CCL25: variants seen among roughly 807,000 people sequenced by gnomAD.
CCL25 encodes C-C motif chemokine ligand 25, also known as C-C motif chemokine 25.
A neutral mutation model predicts 19.9 loss-of-function variants in CCL25; 14 were observed. The observed-to-expected ratio is 0.70, with a 90% CI of 0.47 to 1.10. The LOEUF is 1.10. Among genes scored for constraint, CCL25 ranks in the 50% least tolerant of loss-of-function variants. The pLI is 0.00. For synonymous variants in CCL25, 68 were observed against 73.2 expected, an observed-to-expected ratio of 0.93 and a Z score of 0.36; for missense variants, 151 against 181.2, an observed-to-expected ratio of 0.83 and a Z score of 0.96.
intron 4 of CCL25, 69 bp from the exon 5 acceptor site, chr19:8,057,732 C>G: frequency 1.3e-6 from 2 of 1,521,714 alleles, no homozygotes; most frequent in East Asian, 2.5e-5. Flanking sequence ...CAGCTTCAGG[C>G]TCAGCTGGAT....
In CCL25 at chr19:8,053,084, G is replaced by C; in HGVS notation, c.35G>C (p.Gly12Ala). The C allele has an allele frequency of 6.4e-7, 1 of 1,556,170 alleles. No homozygotes were observed. The highest frequency in any genetic ancestry group is 2.4e-5 in the East Asian group (1 of 41,470). The change falls in exon 2 of 6, where the codon GGC (glycine) becomes GCC (alanine). Residue 12 changes from glycine to alanine, a missense_variant. By Grantham distance (60) the Gly-to-Ala change is moderately conservative. Transcript: ENST00000315626. The part of the protein sequence containing the change: ...NLWLLACLVA[G>A]FLGAWAPAVH... ...TGGCTCCTGGCCTGCCTGGTGGCCG[G>C]CTTCCTGGGAGCCTGGGCCCCCGCT...
chr19:8,060,088 CTAAA>C (rs1188652552), intron 5 of CCL25, among the ~76,000 whole-genome samples: 1 of 150,232 alleles, frequency 6.7e-6, no homozygotes, highest in Non-Finnish European at 1.5e-5. Flanking sequence ...GACTCTGTCT[CTAAA>C]TAAATAAATA....
At chr19:8,058,373 AAT>A (rs1442041777) in intron 5 of CCL25, among the ~76,000 whole-genome samples, 19 of 124,958 alleles carry the variant, frequency 1.5e-4, no homozygotes, top group Admixed American at 5.2e-4. Flanking sequence ...ATAATATATA[AAT>A]ATATATAATA....
chr19:8,059,071 ATAT>A (rs1411660754), intron 5 of CCL25, among the ~76,000 whole-genome samples: 2 of 34,592 alleles, frequency 5.8e-5, no homozygotes, highest in East Asian at 2.0e-3. Flanking sequence ...TATATATAAT[ATAT>A]AATATATATA....
intron 5 of CCL25, among the ~76,000 whole-genome samples, chr19:8,060,331 G>C (rs2145298720): frequency 6.6e-6 from 1 of 152,084 alleles, no homozygotes; most frequent in Middle Eastern, 3.4e-3. Context: ...GACAAAATGA[G>C]ACCCTGTCTC....
At chr19:8,061,132 G>T (rs112779148) in intron 5 of CCL25, among the ~76,000 whole-genome samples, 15,246 of 151,648 alleles carry the variant, frequency 0.1, 922 homozygotes, top group African/African-American at 0.17. Context: ...GGGATCATAG[G>T]CATGCACCAC....
At chr19:8,055,553 C>T (rs903011754) in intron 2 of CCL25, among the ~76,000 whole-genome samples, 4 of 151,916 alleles carry the variant, frequency 2.6e-5, no homozygotes, top group Non-Finnish European at 5.9e-5. Flanking sequence ...CCAGGATGGT[C>T]TCAATCTCCT....
intron 2 of CCL25, among the ~76,000 whole-genome samples, chr19:8,054,305 C>A (rs2081253310): frequency 6.6e-6 from 1 of 152,230 alleles, no homozygotes; most frequent in South Asian, 2.1e-4. Flanking sequence ...GATTGTTTTG[C>A]TATCAGAGCC....
At position 8,052,992 on chromosome 19, in the gene CCL25, G is replaced by C; in HGVS notation, c.-50-8G>C. The stretch of plus-strand genomic sequence containing the variant: ...CTCAGTCCTTACCACTTCCCTCCAC[G>C]ACCCCAGGTGGCCCCGTTATTCGTC... On this transcript the variant is annotated splice_region_variant and splice_polypyrimidine_tract_variant and intron_variant, in intron 1 of 5. Coordinates refer to ENST00000315626, the MANE Select transcript of CCL25 (RefSeq NM_005624.4). 7.9e-7 allele frequency: 1 copy of C among 1,273,636 alleles called. No individual in the cohort carries two copies. The highest frequency in any genetic ancestry group is 1.1e-6 in the Non-Finnish European group (1 of 905,716). 78.9% of individuals were successfully genotyped at this position (1,273,636 alleles called of 1,614,324 possible).
rs778462966 is a variant in CCL25, at chr19:8,056,441, C to T, written c.267C>T (p.Leu89=). The change falls in exon 4 of 6, where the codon CTC becomes CTT. Residue 89 remains leucine, a synonymous_variant. Coordinates refer to ENST00000315626, the MANE Select transcript of CCL25 (RefSeq NM_005624.4). ...KSREVQRAMK[L]LDARNKVFAK... ...GGGAGGTGCAGAGAGCCATGAAGCTCCTGGATGCTCGAAATAAGGTTTTTG... is the reference window on the plus strand; with the variant it reads ...GGGAGGTGCAGAGAGCCATGAAGCTTCTGGATGCTCGAAATAAGGTTTTTG... 6.2e-7 allele frequency: 1 copy of T among 1,614,134 alleles called. No homozygotes were observed. Among genetic ancestry groups the T allele is most frequent in the Admixed American group, 1.7e-5 (1 of 60,010 alleles).
intron 5 of CCL25, among the ~76,000 whole-genome samples, chr19:8,058,185 C>G (rs10416347): frequency 0.4 from 60,135 of 149,986 alleles, 12,608 homozygotes; most frequent in East Asian, 0.71. Context: ...GCCAGCAATT[C>G]TCCAGCAGGG....
upstream of CCL25, among the ~76,000 whole-genome samples, chr19:8,052,475 T>C (rs1420911517): frequency 6.6e-6 from 1 of 151,604 alleles, no homozygotes; most frequent in South Asian, 2.1e-4. Context: ...CTCAAGGCAG[T>C]CTGAGCCTTG....
rs202213208 is a variant in CCL25, at chr19:8,056,153, T to C, written c.75T>C (p.Gly25=). The C allele has an allele frequency of 7.1e-5, 110 of 1,539,200 alleles. No individual in the cohort carries two copies. The African/African-American group carries it at 1.5e-3, about 20-fold the overall frequency. The part of the protein sequence containing the change: ...GAWAPAVHTQ[G]VFEDCCLAYH... Reference sequence around the variant, plus strand: ...ATCTGGGCGGCTGTGTGGTTGCAGGTGTCTTTGAGGACTGCTGCCTGGCCT... The same window carrying C: ...ATCTGGGCGGCTGTGTGGTTGCAGGCGTCTTTGAGGACTGCTGCCTGGCCT... Residue 25 remains glycine, a splice_region_variant and synonymous_variant, in exon 3 of 6, where the codon GGT becomes GGC. Coordinates refer to ENST00000315626, the MANE Select transcript of CCL25 (RefSeq NM_005624.4).
chr19:8,060,188 T>C (rs2081308126), intron 5 of CCL25, among the ~76,000 whole-genome samples: 1 of 150,828 alleles, frequency 6.6e-6, no homozygotes, highest in Non-Finnish European at 1.5e-5. Context: ...AAAACAAATT[T>C]AAATTAGCTA....
At chr19:8,054,826 A>T (rs1361681163) in intron 2 of CCL25, among the ~76,000 whole-genome samples, 1 of 151,584 alleles carries the variant, frequency 6.6e-6, no homozygotes, top group Non-Finnish European at 1.5e-5. Flanking sequence ...CTTTGTATTA[A>T]AACAATTTTT....
At chr19:8,056,106 G>A (rs776358981) in intron 2 of CCL25, 46 bp from the exon 3 acceptor site, 3 of 1,345,436 alleles carry the variant, frequency 2.2e-6, no homozygotes, top group Non-Finnish European at 2.0e-6. Context: ...GCCCTGCCAA[G>A]TTAACATGCA....
Position 8,056,398 on chromosome 19 carries a change from G to A in CCL25, c.224G>A (p.Cys75Tyr). ...FYLPKRHRKVCGNPKSREVQR... is the reference protein window; with the variant it reads ...FYLPKRHRKVYGNPKSREVQR... ...CTCCCCAAGAGACACAGGAAGGTGT[G>A]TGGGAACCCCAAAAGCAGGGAGGTG... Residue 75 changes from cysteine (C) to tyrosine (Y), a missense_variant, in exon 4 of 6, where the codon TGT becomes TAT. Physicochemically the swap from Cys to Tyr is radical, Grantham distance 194 (BLOSUM62 -2). Coordinates refer to ENST00000315626, the MANE Select transcript of CCL25 (RefSeq NM_005624.4). The A allele has an allele frequency of 6.2e-7, 1 of 1,613,936 alleles. No individual in the cohort carries two copies. The highest frequency in any genetic ancestry group is 2.2e-5 in the East Asian group (1 of 44,884).
intron 5 of CCL25, among the ~76,000 whole-genome samples, chr19:8,059,284 C>T (rs941406046): frequency 6.1e-5 from 9 of 148,270 alleles, no homozygotes; most frequent in Non-Finnish European, 1.0e-4. Flanking sequence ...CTGCAACCTC[C>T]GCCTCCAGGG....
intron 4 of CCL25, among the ~76,000 whole-genome samples, chr19:8,056,730 A>C (rs2081275241): frequency 6.6e-6 from 1 of 152,222 alleles, no homozygotes. Context: ...CCCAGGCTGG[A>C]GTGCAGTAGC....
Sources: gnomAD v4.1 joint callset for allele counts (sites outside exome capture counted in the v4.1 genomes callset) on GRCh38, gnomAD v4.1.1 for gene constraint, MANE v1.5 for transcripts, NCBI Gene and HGNC (gene_info 2026-07-23, HGNC 2026-07-21) for gene names.